Variants in LRRTM4 observed in about 807,000 individuals in gnomAD.
LRRTM4 encodes the protein leucine-rich repeat transmembrane neuronal protein 4.
In LRRTM4, 25 loss-of-function variants were observed where a neutral mutation model predicts 47.6. That is an observed-to-expected ratio of 0.53 (90% confidence interval 0.38 to 0.73). The LOEUF is 0.73. Ranked by LOEUF, LRRTM4 falls within the 30% of genes least tolerant of loss-of-function variation. The probability of loss-of-function intolerance (pLI) is 0.00; values close to 1 mark genes in which losing one functional copy is unlikely to be tolerated. For synonymous variants in LRRTM4, 311 were observed against 269.5 expected (o/e 1.15, Z -1.51); for missense variants, 638 against 713.4 (o/e 0.89, Z 1.20).
At position 76,748,650 on chromosome 2, in the gene LRRTM4, T is replaced by G. The variant is rs372350079; in HGVS notation, c.*45A>C. ...CCATTCTCCTTTAAGATGAAGGCCC[T>G]CCCTCCCCCCCATGGAGCTCCCCAG... On this transcript the variant is annotated 3_prime_UTR_variant, in exon 4 of 4. Transcript: ENST00000409884. 3.0e-4 allele frequency: 230 copies of G among 774,266 alleles called. No homozygotes were observed. Among genetic ancestry groups the G allele is most frequent in the Non-Finnish European group, 4.4e-4 (196 of 448,260 alleles). The allele number at this position is 774,266 out of a possible 1,614,324, so 48.0% of individuals were successfully genotyped here. A position where few individuals can be genotyped will look rare whatever the true frequency, so the allele number is the denominator to read the frequency against.
At chr2:77,196,048 A>T (rs1334894369) in intron 3 of LRRTM4, among the ~76,000 whole-genome samples, 1 of 152,196 alleles carries the variant, frequency 6.6e-6, no homozygotes, top group Non-Finnish European at 1.5e-5. Flanking sequence ...AAACCCAAAT[A>T]TATTACCTTG....
chr2:77,364,906 C>G (rs1672383023), intron 3 of LRRTM4, among the ~76,000 whole-genome samples: 2 of 151,906 alleles, frequency 1.3e-5, no homozygotes, highest in South Asian at 4.1e-4. Flanking sequence ...ATAATCCTAC[C>G]TCTTATCAGA....
intron 3 of LRRTM4, among the ~76,000 whole-genome samples, chr2:76,778,396 C>G (rs887979254): frequency 7.0e-6 from 1 of 142,980 alleles, no homozygotes; most frequent in African/African-American, 2.8e-5. Flanking sequence ...GTCCTGGACT[C>G]TTTTTGGTTG....
chr2:76,903,863 T>C (rs558048607), intron 3 of LRRTM4, among the ~76,000 whole-genome samples: 35 of 152,164 alleles, frequency 2.3e-4, no homozygotes, highest in African/African-American at 8.0e-4. Flanking sequence ...CAATTATGTA[T>C]ATTTTTTACT....
rs369081987 is a variant in LRRTM4, at chr2:77,477,752, T to A, written c.1551+40566A>T. 2.2e-3 allele frequency among the ~76,000 whole-genome samples: 335 copies of A among 149,598 alleles called. 1 individual carries two copies. The highest frequency in any genetic ancestry group is 7.7e-3 in the African/African-American group (312 of 40,662). ...TACTTGGGAGGCTATGGCAGGAGAATTCCTTGAACCCGGGAGGTAGAGGTT... is the reference window on the plus strand; with the variant it reads ...TACTTGGGAGGCTATGGCAGGAGAAATCCTTGAACCCGGGAGGTAGAGGTT... On this transcript the variant is annotated intron_variant, in intron 3 of 3. Transcript: ENST00000409884.
chr2:77,516,031 AC>A (rs935723570), intron 3 of LRRTM4, among the ~76,000 whole-genome samples: 3 of 151,622 alleles, frequency 2.0e-5, no homozygotes, highest in African/African-American at 7.3e-5. Flanking sequence ...GTTTTATAGC[AC>A]CCCCCTCCTC....
intron 3 of LRRTM4, among the ~76,000 whole-genome samples, chr2:77,103,981 T>G (rs1018881498): frequency 6.6e-6 from 1 of 152,152 alleles, no homozygotes; most frequent in Non-Finnish European, 1.5e-5. Context: ...ACTCAATCAT[T>G]CAACTGACTA....
intron 3 of LRRTM4, among the ~76,000 whole-genome samples, chr2:77,365,913 T>C (rs1672429433): frequency 7.7e-6 from 1 of 130,542 alleles, no homozygotes; most frequent in Admixed American, 7.1e-5. Flanking sequence ...TCCTATATTA[T>C]ATATATATAA....
chr2:77,090,899 A>G lies in LRRTM4; in HGVS notation c.1552-341983T>C, dbSNP rs372779126. On this transcript the variant is annotated intron_variant, in intron 3 of 3. Coordinates refer to ENST00000409884, the MANE Select transcript of LRRTM4 (RefSeq NM_001134745.3). ...TAGACCATCACGGACGCCGAGCTTC[A>G]GGTAACTCTCACAGTGGAAGGTAAG... Among the ~76,000 whole-genome samples the G allele has an allele frequency of 7.9e-5, 12 of 152,150 alleles. No individual in the cohort carries two copies. The East Asian group carries it at 1.6e-3, about 20-fold the overall frequency.
rs200785522 is a variant in LRRTM4, at chr2:76,801,353, C to T, written c.1552-52437G>A. Among the ~76,000 whole-genome samples, 985 of 151,996 alleles carry T rather than the reference C, an allele frequency of 6.5e-3. 14 individuals are homozygous for T. The highest frequency in any genetic ancestry group is 0.05 in the East Asian group (257 of 5,124). ...GCAGCCATAAAAAATGATGAGTTCA[C>T]GTCCTTTGTAGGGACATGGATGAAA... is the stretch of plus-strand genomic sequence containing the variant. On this transcript the variant is annotated intron_variant, in intron 3 of 3. Coordinates refer to ENST00000409884, the MANE Select transcript of LRRTM4 (RefSeq NM_001134745.3).
intron 3 of LRRTM4, among the ~76,000 whole-genome samples, chr2:77,420,132 T>C (rs1674816497): frequency 6.6e-6 from 1 of 152,222 alleles, no homozygotes; most frequent in East Asian, 1.9e-4. Flanking sequence ...GATTCAGTTC[T>C]TTGTGGGCTG....
chr2:77,024,444 C>G (rs754171251), intron 3 of LRRTM4, among the ~76,000 whole-genome samples: 1 of 151,094 alleles, frequency 6.6e-6, no homozygotes, highest in African/African-American at 2.4e-5. Context: ...GAATAATATT[C>G]CAGCATCCTA....
intron 3 of LRRTM4, among the ~76,000 whole-genome samples, chr2:76,780,018 T>C (rs1573089008): frequency 6.6e-6 from 1 of 152,204 alleles, no homozygotes; most frequent in Admixed American, 6.5e-5. Flanking sequence ...CCTTCACTTA[T>C]GAAGCTTAGT....
At chr2:76,749,011 C>G in intron 3 of LRRTM4, 95 bp from the exon 4 acceptor site, 3 of 928,638 alleles carry the variant, frequency 3.2e-6, no homozygotes, top group South Asian at 1.6e-5. Context: ...CTCTTTCATG[C>G]TGTTTCAAGT....
At chr2:77,044,692 T>C (rs1032857187) in intron 3 of LRRTM4, among the ~76,000 whole-genome samples, 8 of 151,424 alleles carry the variant, frequency 5.3e-5, no homozygotes, top group Admixed American at 4.0e-4. Flanking sequence ...TATTACAAAA[T>C]ATATATATAC....
intron 3 of LRRTM4, among the ~76,000 whole-genome samples, chr2:76,805,992 C>G (rs959962109): frequency 6.6e-6 from 1 of 152,106 alleles, no homozygotes; most frequent in African/African-American, 2.4e-5. Context: ...CTTACAGTTC[C>G]AGGGGTTGGG....
At chr2:77,297,029 GA>G (rs1006300038) in intron 3 of LRRTM4, among the ~76,000 whole-genome samples, 1 of 152,180 alleles carries the variant, frequency 6.6e-6, no homozygotes, top group Non-Finnish European at 1.5e-5. Flanking sequence ...AATGAATGGA[GA>G]TTCCTCCAGT....
chr2:77,274,484 C>A (rs1043379290), intron 3 of LRRTM4, among the ~76,000 whole-genome samples: 1 of 152,026 alleles, frequency 6.6e-6, no homozygotes, highest in African/African-American at 2.4e-5. Flanking sequence ...GATATGCTTC[C>A]AATGTCATAT....
At chr2:77,108,288 G>A (rs1446709) in intron 3 of LRRTM4, among the ~76,000 whole-genome samples, 24,420 of 151,854 alleles carry the variant, frequency 0.16, 2,867 homozygotes, top group East Asian at 0.44. Context: ...GAGGCAGTGG[G>A]GGAGGAAGAA....
Sources: gnomAD v4.1 joint callset for allele counts (sites outside exome capture counted in the v4.1 genomes callset) on GRCh38, gnomAD v4.1.1 for gene constraint, MANE v1.5 for transcripts, NCBI Gene and HGNC (gene_info 2026-07-23, HGNC 2026-07-21) for gene names.